Variants in OTOA observed in about 807,000 individuals in gnomAD.
OTOA encodes cancer/testis antigen 108.
OTOA carries 70 observed loss-of-function variants against 110.8 expected under a neutral mutation model. The observed-to-expected ratio is 0.63, with a 90% CI of 0.52 to 0.77. OTOA has a LOEUF of 0.77. OTOA is among the 30% of genes least tolerant of loss of function. The pLI is 0.00. For missense variants in OTOA, 917 were observed against 1,075.8 expected (o/e 0.85, Z 2.06); for synonymous variants, 373 against 431.5 (o/e 0.86, Z 1.68).
chr16:21,718,418 C>G (rs1898623024), intron 15 of OTOA, among the ~76,000 whole-genome samples: 1 of 152,170 alleles, frequency 6.6e-6, no homozygotes, highest in Admixed American at 6.5e-5. Context: ...GGGCCACAAA[C>G]AGTGTCCAGA....
chr16:21,674,801 G>A (rs935397506), intron 1 of OTOA, among the ~76,000 whole-genome samples: 5 of 142,484 alleles, frequency 3.5e-5, no homozygotes, highest in South Asian at 4.4e-4. Context: ...TCTTCTGCTC[G>A]TTTTCTGATT....
At chr16:21,690,529 C>A (rs1897808499) in intron 8 of OTOA, among the ~76,000 whole-genome samples, 1 of 152,114 alleles carries the variant, frequency 6.6e-6, no homozygotes, top group South Asian at 2.1e-4. Flanking sequence ...TAATCTTGTT[C>A]ATTTTTATGG....
chr16:21,691,062 G>C (rs186905890), intron 8 of OTOA, among the ~76,000 whole-genome samples: 1 of 149,292 alleles, frequency 6.7e-6, no homozygotes, highest in South Asian at 2.1e-4. Context: ...GAGAACATGC[G>C]GTGTTTGGTT....
At position 21,702,993 on chromosome 16, in the gene OTOA, AT is replaced by A. The variant is rs1047846389; in HGVS notation, c.980+1973del. On this transcript the variant is annotated intron_variant, in intron 11 of 28. Transcript: ENST00000646100. The stretch of plus-strand genomic sequence containing the variant: ...CAAGCCTATTTTTCTTTTATAATTT[AT>A]TTTTTTAAATTGATAAATAAAAATT... Among the ~76,000 whole-genome samples, 122 of 152,050 alleles carry A rather than the reference AT, an allele frequency of 8.0e-4. 1 individual carries two copies. Among genetic ancestry groups the A allele is most frequent in the Admixed American group, 1.9e-3 (29 of 15,246 alleles).
intron 12 of OTOA, among the ~76,000 whole-genome samples, chr16:21,707,593 T>TTTTCTTTCTTTCCTTTC (rs1898206397): frequency 1.1e-5 from 1 of 94,038 alleles, no homozygotes; most frequent in African/African-American, 4.2e-5. Context: ...TTCTCCTTCC[T>TTTTCTTTCTTTCCTTTC]TTTCTTTCTT....
In OTOA at chr16:21,685,321, C is replaced by T; in HGVS notation, c.359C>T (p.Thr120Ile). 6.2e-7 allele frequency: 1 copy of T among 1,613,174 alleles called. No homozygotes were observed. Among genetic ancestry groups the T allele is most frequent in the Non-Finnish European group, 8.5e-7 (1 of 1,179,384 alleles). Residue 120 changes from threonine (T) to isoleucine (I), a missense_variant, in exon 7 of 29, where the codon ACT (threonine) becomes ATT (isoleucine). Coordinates refer to ENST00000646100, the MANE Select transcript of OTOA (RefSeq NM_144672.4). ...AAGACAGACGCCCAGCAGTTCCGCA[C>T]TGCCATGAAATGCCTCTTAGAAGAC... The part of the protein sequence containing the change: ...LRKTDAQQFR[T>I]AMKCLLEDKK...
intron 10 of OTOA, among the ~76,000 whole-genome samples, 175 bp from the exon 11 acceptor site, chr16:21,700,713 A>G (rs1466502711): frequency 2.1e-5 from 3 of 140,242 alleles, no homozygotes; most frequent in Non-Finnish European, 4.6e-5. Flanking sequence ...CGACAGAGTG[A>G]GACTCCATCT....
At chr16:21,719,337 C>T (rs370694931) in intron 16 of OTOA, 50 bp from the exon 17 acceptor site, 2 of 1,576,050 alleles carry the variant, frequency 1.3e-6, no homozygotes, top group Non-Finnish European at 8.7e-7. Context: ...TCTTTCTTTC[C>T]TCTCCTCCTC....
chr16:21,726,106 T>C (rs543765602), intron 18 of OTOA, among the ~76,000 whole-genome samples: 19 of 152,302 alleles, frequency 1.2e-4, no homozygotes, highest in African/African-American at 4.6e-4. Context: ...ATCTACTTTT[T>C]CCTTTCTTTT....
intron 22 of OTOA, among the ~76,000 whole-genome samples, chr16:21,737,501 G>A (rs1899356650): frequency 7.3e-6 from 1 of 136,914 alleles, no homozygotes; most frequent in African/African-American, 2.6e-5. Flanking sequence ...TGGGATTACA[G>A]GCGTGAGCCA....
intron 12 of OTOA, among the ~76,000 whole-genome samples, chr16:21,705,678 G>A (rs1001482808): frequency 3.9e-5 from 6 of 152,122 alleles, no homozygotes; most frequent in Admixed American, 3.9e-4. Flanking sequence ...TGGGCACGGT[G>A]GTTCACACCT....
intron 1 of OTOA, among the ~76,000 whole-genome samples, chr16:21,674,105 G>A (rs1436561074): frequency 6.6e-6 from 1 of 151,650 alleles, no homozygotes; most frequent in African/African-American, 2.4e-5. Flanking sequence ...CCTGTGTACA[G>A]GTTTTTATGT....
At chr16:21,694,877 C>T (rs1897900029) in intron 9 of OTOA, among the ~76,000 whole-genome samples, 1 of 152,130 alleles carries the variant, frequency 6.6e-6, no homozygotes, top group Admixed American at 6.5e-5. Context: ...TTGTGGTCTC[C>T]AGGAATCAGA....
Position 21,716,939 on chromosome 16 carries a change from C to G in OTOA, c.1521C>G (p.Ile507Met), listed in dbSNP as rs140579035. The change falls in exon 15 of 29, where the codon ATC (isoleucine) becomes ATG (methionine). Residue 507 changes from isoleucine (I) to methionine (M), a missense_variant. Coordinates refer to ENST00000646100, the MANE Select transcript of OTOA (RefSeq NM_144672.4). ...AAGCGGAAGACACTGCCCCAGGCATCGTGGAGATACAAGGGGCTTTCTTTA... is the reference window on the plus strand; with the variant it reads ...AAGCGGAAGACACTGCCCCAGGCATGGTGGAGATACAAGGGGCTTTCTTTA... ...MVQAEDTAPG[I>M]VEIQGAFFKE... The G allele has an allele frequency of 6.2e-7, 1 of 1,613,858 alleles. No homozygotes were observed. Among genetic ancestry groups the G allele is most frequent in the Non-Finnish European group, 8.5e-7 (1 of 1,180,008 alleles).
chr16:21,677,509 T>G (rs1484421897), intron 1 of OTOA, among the ~76,000 whole-genome samples: 3 of 137,876 alleles, frequency 2.2e-5, no homozygotes, highest in African/African-American at 8.5e-5. Context: ...TGAGACGGAG[T>G]CTTGCTCTGT....
chr16:21,716,238 T>C (rs1898548891), intron 14 of OTOA, among the ~76,000 whole-genome samples: 1 of 151,866 alleles, frequency 6.6e-6, no homozygotes, highest in Non-Finnish European at 1.5e-5. Flanking sequence ...GACATCTTGC[T>C]CTATCAGGTC....
At chr16:21,719,344 C>T (rs900873956) in intron 16 of OTOA, 43 bp from the exon 17 acceptor site, 1 of 1,592,476 alleles carries the variant, frequency 6.3e-7, no homozygotes, top group East Asian at 2.2e-5. Flanking sequence ...TTCCTCTCCT[C>T]CTCACTTCCT....
At chr16:21,678,168 G>A (rs1966864699) in intron 1 of OTOA, among the ~76,000 whole-genome samples, 1 of 152,038 alleles carries the variant, frequency 6.6e-6, no homozygotes, top group Admixed American at 6.6e-5. Context: ...TTACAGGTGT[G>A]AGCCACCATG....
chr16:21,714,389 C>CTCTT (rs1304411716), intron 13 of OTOA, among the ~76,000 whole-genome samples: 1 of 76,508 alleles, frequency 1.3e-5, no homozygotes. Context: ...CTCTCTTTCT[C>CTCTT]TCTTTCTTTC....
Sources: allele counts gnomAD v4.1 joint callset (sites outside exome capture counted in the v4.1 genomes callset), GRCh38; gene constraint gnomAD v4.1.1; transcripts MANE v1.5; gene names NCBI Gene and HGNC (gene_info 2026-07-23, HGNC 2026-07-21).